STK39: variants seen among roughly 807,000 people sequenced by gnomAD.
STK39 encodes STE20/SPS1-related proline-alanine-rich protein kinase.
A neutral mutation model predicts 77.8 loss-of-function variants in STK39; 20 were observed. That is an observed-to-expected ratio of 0.26 (90% confidence interval 0.18 to 0.37). STK39 has a LOEUF of 0.37. STK39 is among the 10% of genes least tolerant of loss of function. STK39 has a pLI of 1.00. For synonymous variants in STK39, 246 were observed against 234.1 expected (o/e 1.05, Z -0.47); for missense variants, 479 against 656.5 (o/e 0.73, Z 2.95).
At chr2:168,173,362 A>G (rs1688875753) in intron 2 of STK39, among the ~76,000 whole-genome samples, 1 of 152,196 alleles carries the variant, frequency 6.6e-6, no homozygotes. Context: ...TATGAAAGGT[A>G]ACCTAATCAA....
intron 10 of STK39, among the ~76,000 whole-genome samples, chr2:168,108,776 T>G (rs1319221127): frequency 6.6e-6 from 1 of 152,134 alleles, no homozygotes; most frequent in Non-Finnish European, 1.5e-5. Context: ...AACACCTCAT[T>G]TCTAACATAT....
At chr2:168,106,637 T>C (rs1209815925) in intron 10 of STK39, among the ~76,000 whole-genome samples, 2 of 151,804 alleles carry the variant, frequency 1.3e-5, no homozygotes, top group East Asian at 3.9e-4. Flanking sequence ...CTGGGCAACA[T>C]AGAGAAACCC....
intron 14 of STK39, among the ~76,000 whole-genome samples, chr2:168,021,786 TTA>T (rs1491032351): frequency 6.9e-6 from 1 of 144,184 alleles, no homozygotes; most frequent in African/African-American, 2.9e-5. Context: ...GAAAGGACAT[TTA>T]TTTTTTTTTT....
intron 5 of STK39, among the ~76,000 whole-genome samples, chr2:168,158,947 G>A (rs192851504): frequency 6.6e-6 from 1 of 152,208 alleles, no homozygotes; most frequent in East Asian, 1.9e-4. Flanking sequence ...CACACTTCTA[G>A]CTGCATAATA....
At chr2:168,169,937 A>T (rs993234152) in intron 2 of STK39, among the ~76,000 whole-genome samples, 2 of 121,268 alleles carry the variant, frequency 1.6e-5, no homozygotes, top group Middle Eastern at 4.3e-3. Context: ...ATCCCTCTTC[A>T]CTTCTTGGCT....
chr2:168,007,028 T>A (rs1684149398), intron 16 of STK39, among the ~76,000 whole-genome samples: 1 of 152,226 alleles, frequency 6.6e-6, no homozygotes, highest in Non-Finnish European at 1.5e-5. Flanking sequence ...CCATAACATA[T>A]GCTATTGCTT....
chr2:168,187,056 A>G (rs1036718131), intron 1 of STK39, among the ~76,000 whole-genome samples: 3 of 152,214 alleles, frequency 2.0e-5, no homozygotes, highest in African/African-American at 7.2e-5. Context: ...ATCTAACCTT[A>G]AAAAGTTATT....
intron 5 of STK39, among the ~76,000 whole-genome samples, chr2:168,145,826 A>G (rs749130583): frequency 3.3e-5 from 5 of 152,124 alleles, no homozygotes; most frequent in Non-Finnish European, 7.4e-5. Context: ...AAGTATTTCT[A>G]TTATCCAAAT....
intron 17 of STK39, 175 bp downstream of exon 17, chr2:167,964,487 A>T: frequency 1.7e-6 from 1 of 598,346 alleles, no homozygotes; most frequent in South Asian, 2.1e-5. Flanking sequence ...TTCCAGTCAC[A>T]ATCAGAAAAC....
chr2:168,099,177 A>G (rs567520045), intron 10 of STK39, among the ~76,000 whole-genome samples: 1 of 152,380 alleles, frequency 6.6e-6, no homozygotes, highest in East Asian at 1.9e-4. Context: ...AGCTCAGCCC[A>G]GCCAAGCCCC....
intron 14 of STK39, among the ~76,000 whole-genome samples, chr2:168,017,792 G>A (rs192706559): frequency 4.2e-4 from 64 of 151,814 alleles, no homozygotes; most frequent in African/African-American, 1.4e-3. Context: ...CAGGGAAGAC[G>A]GTCTCAGTGA....
intron 16 of STK39, among the ~76,000 whole-genome samples, chr2:167,993,055 G>C (rs1683741503): frequency 6.6e-6 from 1 of 152,152 alleles, no homozygotes; most frequent in African/African-American, 2.4e-5. Flanking sequence ...TAGTACATTT[G>C]AAAGATATGC....
At chr2:168,090,490 A>G (rs1288761345) in intron 10 of STK39, among the ~76,000 whole-genome samples, 2 of 152,224 alleles carry the variant, frequency 1.3e-5, no homozygotes, top group East Asian at 1.9e-4. Flanking sequence ...AGAGGACTCC[A>G]TTAGTTTCTG....
intron 16 of STK39, among the ~76,000 whole-genome samples, chr2:167,988,534 T>G (rs984695466): frequency 1.1e-4 from 17 of 152,072 alleles, no homozygotes; most frequent in African/African-American, 3.4e-4. Context: ...CAGTTAAAGC[T>G]GTAGAAAAGC....
At chr2:167,966,142 AAGCACACAC>A (rs1018772639) in intron 16 of STK39, among the ~76,000 whole-genome samples, 1 of 152,166 alleles carries the variant, frequency 6.6e-6, no homozygotes, top group Non-Finnish European at 1.5e-5. Flanking sequence ...CCACATAAGC[AAGCACACAC>A]ATATCGGGTA....
At chr2:167,978,879 A>AT (rs141925733) in intron 16 of STK39, among the ~76,000 whole-genome samples, 5,557 of 152,156 alleles carry the variant, frequency 0.037, 349 homozygotes, top group African/African-American at 0.12. Context: ...GTACATACCC[A>AT]TTTTATCTAG....
intron 10 of STK39, among the ~76,000 whole-genome samples, chr2:168,118,614 AAAAAAAAAAC>A (rs893439103): frequency 1.3e-5 from 2 of 151,574 alleles, no homozygotes; most frequent in Non-Finnish European, 2.9e-5. Context: ...AAAAAAAAAA[AAAAAAAAAAC>A]AACAACTCAA....
At chr2:168,028,062 T>G (rs1032942131) in intron 14 of STK39, among the ~76,000 whole-genome samples, 1 of 152,204 alleles carries the variant, frequency 6.6e-6, no homozygotes, top group African/African-American at 2.4e-5. Context: ...AAAATCTCCA[T>G]GCCTGCCAGG....
intron 16 of STK39, among the ~76,000 whole-genome samples, chr2:167,990,041 T>C (rs2105280994): frequency 6.6e-6 from 1 of 152,186 alleles, no homozygotes. Context: ...CAAATGGTTA[T>C]TAGAAACTAA....
Sources: allele counts gnomAD v4.1 joint callset (sites outside exome capture counted in the v4.1 genomes callset), GRCh38; gene constraint gnomAD v4.1.1; transcripts MANE v1.5; gene names NCBI Gene and HGNC (gene_info 2026-07-23, HGNC 2026-07-21).